RBFOX1: variants seen among roughly 807,000 people sequenced by gnomAD.
The protein encoded by RBFOX1 is RNA binding fox-1 homolog 1.
A neutral mutation model predicts 57.7 loss-of-function variants in RBFOX1; 8 were observed. That is an observed-to-expected ratio of 0.14 (90% confidence interval 0.08 to 0.25). RBFOX1 has a LOEUF of 0.25. RBFOX1 is among the 10% of genes least tolerant of loss of function. The pLI is 1.00. For missense variants in RBFOX1, 611 were observed against 548.5 expected, an observed-to-expected ratio of 1.11 and a Z score of -1.14; for synonymous variants, 326 against 222.4, an observed-to-expected ratio of 1.47 and a Z score of -4.15.
chr16:5,285,203 C>A (rs2063363174), intron 1 of RBFOX1, among the ~76,000 whole-genome samples: 1 of 152,160 alleles, frequency 6.6e-6, no homozygotes, highest in South Asian at 2.1e-4. Context: ...TCTTCAACTT[C>A]AGAAATTCTT....
At chr16:6,844,830 A>G (rs1308578095) in intron 3 of RBFOX1, among the ~76,000 whole-genome samples, 1 of 152,164 alleles carries the variant, frequency 6.6e-6, no homozygotes, top group East Asian at 1.9e-4. Flanking sequence ...CTTTTTCTCC[A>G]TAACCTTGCC....
chr16:6,780,303 A>G (rs1163555824), intron 3 of RBFOX1, among the ~76,000 whole-genome samples: 1 of 17,192 alleles, frequency 5.8e-5, no homozygotes, highest in Non-Finnish European at 9.6e-5. Context: ...ATATTTATAC[A>G]TATATATATT....
chr16:6,352,861 G>A (rs888967771), intron 2 of RBFOX1, among the ~76,000 whole-genome samples: 1 of 152,052 alleles, frequency 6.6e-6, no homozygotes, highest in African/African-American at 2.4e-5. Flanking sequence ...TTTCCTTCAT[G>A]CTCGCAAACA....
At position 6,019,758 on chromosome 16, in the gene RBFOX1, C is replaced by G. The variant is rs955888201; in HGVS notation, c.-361C>G. ...GATTGAGAGTCCTTGCGCTCCAGAC[C>G]CCCACCCAGTGGCCGCCAGGGTCCC... On this transcript the variant is annotated 5_prime_UTR_variant, in exon 1 of 16. Coordinates refer to ENST00000550418, the MANE Select transcript of RBFOX1 (RefSeq NM_018723.4). The surrounding 1 kb of genome is among the most constrained non-coding windows in gnomAD (Gnocchi z 4.2). 42 of 1,402,218 alleles carry G rather than the reference C, an allele frequency of 3.0e-5. No individual in the cohort carries two copies. Among genetic ancestry groups the G allele is most frequent in the Non-Finnish European group, 3.2e-5 (35 of 1,077,708 alleles). The allele number at this position is 1,402,218 out of a possible 1,614,324, so 86.9% of individuals were successfully genotyped here.
At chr16:6,937,144 A>C (rs191684802) in intron 3 of RBFOX1, among the ~76,000 whole-genome samples, 54 of 152,304 alleles carry the variant, frequency 3.5e-4, no homozygotes, top group African/African-American at 1.2e-3. Flanking sequence ...TTACCTTTAA[A>C]ATGTTATCAA....
chr16:7,198,188 G>C (rs970273777), intron 4 of RBFOX1, among the ~76,000 whole-genome samples: 6 of 151,812 alleles, frequency 4.0e-5, no homozygotes, highest in African/African-American at 1.5e-4. Context: ...TGTATTTTTA[G>C]TAGAGACGGG....
intron 4 of RBFOX1, among the ~76,000 whole-genome samples, chr16:5,879,277 A>T (rs1419809860): frequency 6.6e-6 from 1 of 152,208 alleles, no homozygotes; most frequent in African/African-American, 2.4e-5. Flanking sequence ...GGGGTTTCAG[A>T]TGGTAAGCAG....
intron 2 of RBFOX1, among the ~76,000 whole-genome samples, chr16:6,486,186 T>C (rs183680417): frequency 6.6e-6 from 1 of 150,998 alleles, no homozygotes; most frequent in East Asian, 2.0e-4. Flanking sequence ...CTAATTGGTG[T>C]ATATGACTTT....
rs866373788 is a variant in RBFOX1 at position 6,905,817 on chromosome 16, G to C, written c.-15-146240G>C. ...TCCTGCCTAGGAAACCTGCTGCCTT[G>C]GCACGGTGGTATTAGTGGCTGAGGG... On this transcript the variant is annotated intron_variant, in intron 3 of 15. Transcript: ENST00000550418. 5.9e-5 allele frequency among the ~76,000 whole-genome samples: 9 copies of C among 152,294 alleles called. No individual in the cohort carries two copies. In the Middle Eastern group the frequency reaches 0.02, roughly 345 times the overall value.
Position 5,750,707 on chromosome 16 carries a change from G to A in RBFOX1, c.319-116596G>A, listed in dbSNP as rs557767768. Among the ~76,000 whole-genome samples, 409 of 152,300 alleles carry A rather than the reference G, an allele frequency of 2.7e-3. 1 individual carries two copies. The highest frequency in any genetic ancestry group is 9.1e-3 in the African/African-American group (380 of 41,586). On this transcript the variant is annotated intron_variant, in intron 3 of 19. Transcript: ENST00000641259. ...CCTCCTGGTGTGCCGTTTGCTGACT[G>A]TTGGAAAAGTGCAGTATTAGGGTGG...
chr16:5,282,906 A>G (rs2063306749), intron 1 of RBFOX1, among the ~76,000 whole-genome samples: 2 of 152,168 alleles, frequency 1.3e-5, no homozygotes, highest in Admixed American at 6.5e-5. Context: ...AATGGGGAAA[A>G]TGTCTCCAGG....
intron 4 of RBFOX1, among the ~76,000 whole-genome samples, chr16:7,423,398 T>C (rs941933831): frequency 6.6e-6 from 1 of 152,028 alleles, no homozygotes; most frequent in African/African-American, 2.4e-5. Flanking sequence ...TGACTGGTAA[T>C]TGCAAGCTGT....
chr16:5,730,078 C>A (rs896223357), intron 3 of RBFOX1, among the ~76,000 whole-genome samples: 15 of 152,152 alleles, frequency 9.9e-5, no homozygotes, highest in Non-Finnish European at 8.8e-5. Context: ...GATCAGAGGA[C>A]CCAAATTAAA....
intron 2 of RBFOX1, among the ~76,000 whole-genome samples, chr16:6,603,457 G>C (rs989513375): frequency 3.3e-5 from 5 of 152,170 alleles, no homozygotes; most frequent in African/African-American, 9.7e-5. Context: ...ATGGACTGTT[G>C]ATTTAAGAAC....
At chr16:6,787,787 C>A (rs989213875) in intron 3 of RBFOX1, among the ~76,000 whole-genome samples, 1 of 152,304 alleles carries the variant, frequency 6.6e-6, no homozygotes, top group East Asian at 1.9e-4. Context: ...AGGACTTAGT[C>A]TTCCTCCATA....
chr16:6,987,032 A>T (rs566030648), intron 3 of RBFOX1, among the ~76,000 whole-genome samples: 1 of 152,210 alleles, frequency 6.6e-6, no homozygotes, highest in South Asian at 2.1e-4. Context: ...TGAAACTTGC[A>T]AATAAGGCCT....
intron 3 of RBFOX1, among the ~76,000 whole-genome samples, chr16:6,714,326 G>T (rs1298497852): frequency 1.3e-5 from 2 of 152,132 alleles, no homozygotes; most frequent in South Asian, 2.1e-4. Flanking sequence ...CAAAACAGTG[G>T]TTTATTTGGG....
intron 3 of RBFOX1, among the ~76,000 whole-genome samples, chr16:5,864,637 G>A (rs2057302538): frequency 6.7e-6 from 1 of 149,728 alleles, no homozygotes; most frequent in African/African-American, 2.5e-5. Flanking sequence ...AGTTTTTAAT[G>A]TCAGCATATA....
chr16:7,323,307 C>T (rs2096569672), intron 4 of RBFOX1, among the ~76,000 whole-genome samples: 2 of 152,076 alleles, frequency 1.3e-5, no homozygotes, highest in African/African-American at 2.4e-5. Context: ...ACCTGTAGTC[C>T]CAGGTTTTCA....
Sources: gnomAD v4.1 joint callset for allele counts (sites outside exome capture counted in the v4.1 genomes callset) on GRCh38, gnomAD v4.1.1 for gene constraint, Gnocchi (gnomAD v3.1) non-coding constraint, MANE v1.5 for transcripts, NCBI Gene and HGNC (gene_info 2026-07-23, HGNC 2026-07-21) for gene names.